The following ZFAT variants were observed in gnomAD, a reference collection of about 807,000 sequenced individuals.
ZFAT encodes zinc finger and AT-hook domain containing, also known as zinc finger protein ZFAT.
In ZFAT, 64 loss-of-function variants were observed where a neutral mutation model predicts 117.7. The observed-to-expected ratio is 0.54, with a 90% CI of 0.44 to 0.67. The LOEUF is 0.67. Among genes scored for constraint, ZFAT ranks in the 30% least tolerant of loss-of-function variants. The pLI, the probability that ZFAT is intolerant of heterozygous loss-of-function variation, is 0.00. For missense variants in ZFAT, 1,433 were observed against 1,584.5 expected (o/e 0.90, Z 1.62); for synonymous variants, 679 against 615.0 (o/e 1.10, Z -1.54).
chr8:134,664,966 C>T (rs1362099438), intron 1 of ZFAT, among the ~76,000 whole-genome samples: 1 of 152,202 alleles, frequency 6.6e-6, no homozygotes, highest in Non-Finnish European at 1.5e-5. Flanking sequence ...CTTTAGCCAG[C>T]TACTCTGTAG....
At chr8:134,661,441 G>GT (rs1363940774) in intron 1 of ZFAT, among the ~76,000 whole-genome samples, 6 of 152,244 alleles carry the variant, frequency 3.9e-5, no homozygotes, top group Non-Finnish European at 8.8e-5. Flanking sequence ...TGCCTGAGCT[G>GT]TGCCAGCTCC....
the ZFAT span, among the ~76,000 whole-genome samples, chr8:134,782,531 A>AT: frequency 6.6e-6 from 1 of 152,192 alleles, no homozygotes; most frequent in Admixed American, 6.5e-5. Context: ...TAACTACCTT[A>AT]TTTGTTTTAC....
At chr8:134,639,584 G>A (rs1830467325) in intron 2 of ZFAT, among the ~76,000 whole-genome samples, 1 of 152,234 alleles carries the variant, frequency 6.6e-6, no homozygotes, top group Non-Finnish European at 1.5e-5. Flanking sequence ...GTGTTTACAG[G>A]AGAACCAGCC....
intron 13 of ZFAT, among the ~76,000 whole-genome samples, chr8:134,515,399 C>A (rs980074184): frequency 2.0e-5 from 3 of 152,194 alleles, no homozygotes; most frequent in African/African-American, 7.2e-5. Flanking sequence ...TCTTCCACGA[C>A]GGGCAAACTA....
intron 11 of ZFAT, among the ~76,000 whole-genome samples, chr8:134,563,234 T>G (rs1377898240): frequency 6.6e-6 from 1 of 152,224 alleles, no homozygotes; most frequent in African/African-American, 2.4e-5. Context: ...AAACTCACAG[T>G]CAGTACGGGT....
At chr8:134,688,013 C>T (rs1428785741) in intron 1 of ZFAT, among the ~76,000 whole-genome samples, 1 of 152,156 alleles carries the variant, frequency 6.6e-6, no homozygotes. Flanking sequence ...GTGACTGGAG[C>T]CACCTTTCCC....
At chr8:134,496,613 A>C (rs1334879300) in intron 15 of ZFAT, among the ~76,000 whole-genome samples, 5 of 152,224 alleles carry the variant, frequency 3.3e-5, no homozygotes, top group Non-Finnish European at 7.3e-5. Context: ...ATGCGTATGA[A>C]GCCTCTAAAA....
chr8:134,523,990 C>T (rs918664940), intron 12 of ZFAT, among the ~76,000 whole-genome samples: 5 of 152,172 alleles, frequency 3.3e-5, no homozygotes, highest in Admixed American at 6.5e-5. Flanking sequence ...CTTCCTAGAG[C>T]GGGAACTTCA....
rs1392234993 is a variant in ZFAT, at chr8:134,601,529, G to C, written c.2190C>G (p.Ser730Arg). 6.2e-7 allele frequency: 1 copy of C among 1,614,224 alleles called. No individual in the cohort carries two copies. Among genetic ancestry groups the C allele is most frequent in the Non-Finnish European group, 8.5e-7 (1 of 1,180,030 alleles). ...AAACCTTCCGGATCCGCTCACACAAGCTGGTGTTCATTTGCTTCTTCTGTA... is the reference window on the plus strand; with the variant it reads ...AAACCTTCCGGATCCGCTCACACAACCTGGTGTTCATTTGCTTCTTCTGTA... ...NSLQKKQMNT[S>R]LCERIRKVYG... The change falls in exon 6 of 16, where the codon AGC (serine) becomes AGG (arginine). Residue 730 changes from serine (S) to arginine (R), a missense_variant. Ser to Arg is a moderately radical substitution (Grantham distance 110). Coordinates refer to ENST00000377838, the MANE Select transcript of ZFAT (RefSeq NM_020863.4).
chr8:134,647,035 C>G (rs1830936267), intron 2 of ZFAT, among the ~76,000 whole-genome samples: 1 of 152,038 alleles, frequency 6.6e-6, no homozygotes, highest in Admixed American at 6.5e-5. Context: ...GGAATACCTC[C>G]CAACTCATTT....
Position 134,533,222 on chromosome 8 carries a change from CTTCTT to C in ZFAT, c.2977-255_2977-251del, listed in dbSNP as rs1274796221. Among the ~76,000 whole-genome samples, 5 of 152,314 alleles carry C rather than the reference CTTCTT, an allele frequency of 3.3e-5. No individual in the cohort carries two copies. In the South Asian group the frequency reaches 8.3e-4, roughly 25 times the overall value. On this transcript the variant is annotated intron_variant, in intron 11 of 15. Transcript: ENST00000377838. ...CTACTAAGTGAATTTGCTTTTGTTACTTCTTTTCTTTTTTCATCCACCTCAGAATT... is the reference window on the plus strand; with the variant it reads ...CTACTAAGTGAATTTGCTTTTGTTACTTCTTTTTTCATCCACCTCAGAATT...
At position 134,489,032 on chromosome 8, in the gene ZFAT, GA is replaced by G. The variant is rs77835938; in HGVS notation, c.3493-10312del. On this transcript the variant is annotated intron_variant, in intron 15 of 15. Transcript: ENST00000377838. ...GGTGGGGAAGAGATGAAACAAAGAG[GA>G]AAAAAAAAAAAAGACTAGAGAGACC... Among the ~76,000 whole-genome samples the G allele has an allele frequency of 3.4e-3, 437 of 128,426 alleles. 1 individual carries two copies. Among genetic ancestry groups the G allele is most frequent in the African/African-American group, 4.4e-3 (148 of 33,672 alleles). The allele number at this position is 128,426 out of a possible 152,430, so 84.3% of individuals were successfully genotyped here.
chr8:134,548,719 TACC>T (rs146196386), intron 11 of ZFAT, among the ~76,000 whole-genome samples: 27,846 of 152,082 alleles, frequency 0.18, 2,725 homozygotes, highest in Non-Finnish European at 0.22. Context: ...ACTGTGTCCC[TACC>T]ACCTAACACC....
intron 3 of ZFAT, among the ~76,000 whole-genome samples, chr8:134,629,503 C>T (rs150932288): frequency 6.6e-6 from 1 of 152,082 alleles, no homozygotes; most frequent in African/African-American, 2.4e-5. Context: ...TTTGTGTCTC[C>T]ACCCAAATCT....
At chr8:134,717,648 A>G (rs1814227369), upstream of ZFAT, among the ~76,000 whole-genome samples, 1 of 149,136 alleles carries the variant, frequency 6.7e-6, no homozygotes, top group African/African-American at 2.5e-5. Context: ...ACACCCGGCT[A>G]ATTTTTTTTT....
chr8:134,734,794 C>T, the ZFAT span, among the ~76,000 whole-genome samples: 5 of 152,166 alleles, frequency 3.3e-5, no homozygotes, highest in South Asian at 4.1e-4. Context: ...GCTACTGCTC[C>T]GACAGAGACT....
chr8:134,640,688 A>G (rs555191596), intron 2 of ZFAT, among the ~76,000 whole-genome samples: 22 of 152,330 alleles, frequency 1.4e-4, no homozygotes, highest in Non-Finnish European at 3.2e-4. Flanking sequence ...AAAGCTTTGG[A>G]AAACCTCAAA....
chr8:134,729,447 T>A, the ZFAT span, among the ~76,000 whole-genome samples: 1 of 152,350 alleles, frequency 6.6e-6, no homozygotes, highest in South Asian at 2.1e-4. Flanking sequence ...TTCTCCTGCC[T>A]CAGCCTCCCA....
chr8:134,683,493 T>G (rs1257502700), intron 1 of ZFAT, among the ~76,000 whole-genome samples: 1 of 151,916 alleles, frequency 6.6e-6, no homozygotes, highest in Non-Finnish European at 1.5e-5. Context: ...TGGAAGAGGT[T>G]TGTCAGAAAA....
Sources: allele counts gnomAD v4.1 joint callset (sites outside exome capture counted in the v4.1 genomes callset), GRCh38; gene constraint gnomAD v4.1.1; transcripts MANE v1.5; gene names NCBI Gene and HGNC (gene_info 2026-07-23, HGNC 2026-07-21).